PTN: variants seen among roughly 807,000 people sequenced by gnomAD.
PTN encodes pleiotrophin, also known as heparin affin regulatory protein.
Under a neutral mutation model 24.1 loss-of-function variants are expected in PTN, and 18 were observed. The observed-to-expected ratio is 0.75, with a 90% confidence interval of 0.52 to 1.11. The LOEUF (loss-of-function observed/expected upper bound fraction) is 1.11. Ranked by LOEUF, PTN falls within the 50% of genes least tolerant of loss-of-function variation. PTN has a pLI of 0.00. For synonymous variants in PTN, 78 were observed against 68.6 expected, an observed-to-expected ratio of 1.14 and a Z score of -0.67; for missense variants, 163 against 198.8, an observed-to-expected ratio of 0.82 and a Z score of 1.08.
At chr7:137,332,479 C>T (rs978157803) in intron 1 of PTN, among the ~76,000 whole-genome samples, 1 of 152,070 alleles carries the variant, frequency 6.6e-6, no homozygotes, top group Non-Finnish European at 1.5e-5. Context: ...TGAGATTCTG[C>T]ATATTCCCAG....
chr7:137,311,001 G>A (rs886238870), intron 1 of PTN, among the ~76,000 whole-genome samples: 5 of 152,224 alleles, frequency 3.3e-5, no homozygotes, highest in African/African-American at 9.6e-5. Context: ...GGAGGCCAAC[G>A]TGAGCAGATC....
chr7:137,324,433 A>AAAAAATATATATAT, intron 1 of PTN, among the ~76,000 whole-genome samples: 14 of 88,760 alleles, frequency 1.6e-4, no homozygotes, highest in African/African-American at 9.0e-4. Context: ...AAAAAAAAAA[A>AAAAAATATATATAT]ATATATATAT....
At chr7:137,236,302 T>C (rs1183963777) in intron 4 of PTN, 2 of 701,538 alleles carry the variant, frequency 2.9e-6, no homozygotes. Context: ...CCATTCAGGA[T>C]GCACTTTCTT....
chr7:137,265,417 G>T (rs973867102), intron 1 of PTN, among the ~76,000 whole-genome samples: 4 of 152,130 alleles, frequency 2.6e-5, no homozygotes, highest in African/African-American at 4.8e-5. Context: ...ATCTGCTTGC[G>T]GATGAACAAT....
At chr7:137,270,484 A>G (rs1809255511) in intron 1 of PTN, among the ~76,000 whole-genome samples, 1 of 152,214 alleles carries the variant, frequency 6.6e-6, no homozygotes, top group African/African-American at 2.4e-5. Flanking sequence ...TAACAAATTT[A>G]TTTATAGTAC....
chr7:137,256,069 T>C (rs998721036), intron 1 of PTN, among the ~76,000 whole-genome samples: 1 of 152,248 alleles, frequency 6.6e-6, no homozygotes, highest in Non-Finnish European at 1.5e-5. Flanking sequence ...GTTGAGATTA[T>C]TCTTTTCTCT....
At chr7:137,245,600 T>C (rs1808709208) in intron 4 of PTN, among the ~76,000 whole-genome samples, 1 of 151,872 alleles carries the variant, frequency 6.6e-6, no homozygotes, top group African/African-American at 2.4e-5. Flanking sequence ...GTGTATTCCT[T>C]CTTCTTAGTA....
intron 1 of PTN, among the ~76,000 whole-genome samples, chr7:137,278,656 C>T (rs1809411344): frequency 6.6e-6 from 1 of 151,956 alleles, no homozygotes; most frequent in African/African-American, 2.4e-5. Flanking sequence ...CAAGGATTAA[C>T]TTGGCCGGGC....
chr7:137,230,806 C>G (rs767155463), intron 4 of PTN, among the ~76,000 whole-genome samples: 1 of 151,850 alleles, frequency 6.6e-6, no homozygotes. Flanking sequence ...AACGCCCTTA[C>G]GTAATAGATG....
At chr7:137,312,965 T>C (rs1810008059) in intron 1 of PTN, among the ~76,000 whole-genome samples, 1 of 152,238 alleles carries the variant, frequency 6.6e-6, no homozygotes, top group African/African-American at 2.4e-5. Context: ...TGATATTTAA[T>C]ATTTTATGTA....
intron 2 of PTN, among the ~76,000 whole-genome samples, chr7:137,254,024 G>C (rs1260943101): frequency 4.6e-5 from 7 of 152,142 alleles, no homozygotes; most frequent in Admixed American, 4.6e-4. Flanking sequence ...TGTCAGCTGG[G>C]CAAAGTGGCT....
intron 1 of PTN, among the ~76,000 whole-genome samples, chr7:137,301,712 AAAAC>A (rs563437397): frequency 1.1e-4 from 17 of 152,130 alleles, no homozygotes; most frequent in South Asian, 2.1e-4. Flanking sequence ...AACTCAGATT[AAAAC>A]AAACAAACAA....
chr7:137,264,843 T>C (rs1809109609), intron 1 of PTN, among the ~76,000 whole-genome samples: 1 of 152,184 alleles, frequency 6.6e-6, no homozygotes, highest in Non-Finnish European at 1.5e-5. Flanking sequence ...CTTCTTGTGC[T>C]AACAGGGTCA....
At chr7:137,291,861 A>C (rs894733160) in intron 1 of PTN, among the ~76,000 whole-genome samples, 2 of 152,300 alleles carry the variant, frequency 1.3e-5, no homozygotes, top group South Asian at 2.1e-4. Context: ...AGAGGCAGTG[A>C]AATTTGAATG....
chr7:137,276,464 T>C (rs375407405), intron 1 of PTN, among the ~76,000 whole-genome samples: 2 of 152,272 alleles, frequency 1.3e-5, no homozygotes. Context: ...GAAATTCCGG[T>C]TACCCCTGGA....
At chr7:137,249,047 A>C (rs1397870482) in intron 4 of PTN, among the ~76,000 whole-genome samples, 2 of 152,144 alleles carry the variant, frequency 1.3e-5, no homozygotes, top group Non-Finnish European at 2.9e-5. Flanking sequence ...ATAAAGGTGA[A>C]ATATACACCA....
chr7:137,305,873 T>G (rs1809879967), intron 1 of PTN, among the ~76,000 whole-genome samples: 1 of 152,086 alleles, frequency 6.6e-6, no homozygotes, highest in African/African-American at 2.4e-5. Context: ...TGTGGAAGAA[T>G]TCCTCATAGA....
intron 1 of PTN, among the ~76,000 whole-genome samples, chr7:137,335,537 G>A (rs1049592505): frequency 8.5e-5 from 13 of 152,154 alleles, no homozygotes; most frequent in Non-Finnish European, 1.9e-4. Flanking sequence ...ATCATGACTG[G>A]AGCATTCTGA....
intron 1 of PTN, among the ~76,000 whole-genome samples, chr7:137,257,902 CT>C (rs1808963192): frequency 6.6e-6 from 1 of 152,116 alleles, no homozygotes; most frequent in South Asian, 2.1e-4. Context: ...CCAGAAGCAC[CT>C]CAGAGCCCAC....
Sources: allele counts gnomAD v4.1 joint callset (sites outside exome capture counted in the v4.1 genomes callset), GRCh38; gene constraint gnomAD v4.1.1; transcripts MANE v1.5; gene names NCBI Gene and HGNC (gene_info 2026-07-23, HGNC 2026-07-21).